Variants in NCOR2 observed in about 807,000 individuals in gnomAD.
NCOR2 encodes the protein CTG repeat protein 26.
NCOR2 carries 81 observed loss-of-function variants against 262.9 expected under a neutral mutation model. That is an observed-to-expected ratio of 0.31 (90% CI 0.26 to 0.37). NCOR2 has a LOEUF of 0.37. Ranked by LOEUF, NCOR2 falls within the 10% of genes least tolerant of loss-of-function variation. The probability of loss-of-function intolerance (pLI) is 1.00; values close to 1 mark genes in which losing one functional copy is unlikely to be tolerated. For synonymous variants in NCOR2, 1,659 were observed against 1,559.3 expected (o/e 1.06, Z -1.51); for missense variants, 3,385 against 3,621.4 (o/e 0.93, Z 1.68).
intron 28 of NCOR2, among the ~76,000 whole-genome samples, chr12:124,349,767 G>A (rs1213376562): frequency 2.0e-5 from 3 of 152,160 alleles, no homozygotes; most frequent in Non-Finnish European, 4.4e-5. Context: ...GACCTCTCAA[G>A]ACAAGCTCTT....
chr12:124,325,535 C>T (rs1342977330), exon 47 of NCOR2: 2 of 1,339,118 alleles, frequency 1.5e-6, no homozygotes, highest in Non-Finnish European at 1.9e-6. Context: ...AGCCATGACA[C>T]CCGCCTGCAG....
chr12:124,356,890 T>C (rs879385350), intron 22 of NCOR2, 108 bp from the exon 25 acceptor site: 41 of 1,329,714 alleles, frequency 3.1e-5, no homozygotes, highest in Non-Finnish European at 3.8e-5. Flanking sequence ...ACAGTAGTGG[T>C]GGCCTGTGAC....
At chr12:124,336,990 G>T in exon 38 of NCOR2, 1 of 1,510,710 alleles carries the variant, frequency 6.6e-7, no homozygotes, top group Non-Finnish European at 8.8e-7. Flanking sequence ...CGGGCTGGGG[G>T]CTTGGCGAGG....
At chr12:124,501,931 G>A (rs1305954180) in intron 1 of NCOR2, among the ~76,000 whole-genome samples, 1 of 152,234 alleles carries the variant, frequency 6.6e-6, no homozygotes, top group African/African-American at 2.4e-5. Flanking sequence ...GCCGGCCCGG[G>A]GGGAACTCTG....
chr12:124,354,075 G>T lies in NCOR2; in HGVS notation c.3693+18C>A. On this transcript the variant is annotated intron_variant, in intron 27 of 46. Transcript: ENST00000405201. ...GCTGGTCCCAACCGTCCTTCCTGCC[G>T]CACCCCAGGACACCTACGTGGGTGA... 3.1e-6 allele frequency: 5 copies of T among 1,600,970 alleles called. No homozygotes were observed. The highest frequency in any genetic ancestry group is 1.1e-5 in the South Asian group (1 of 89,814).
chr12:124,417,380 C>G (rs1176739112), intron 13 of NCOR2, among the ~76,000 whole-genome samples: 4 of 152,194 alleles, frequency 2.6e-5, no homozygotes, highest in Admixed American at 6.5e-5. Context: ...CGACACCCCC[C>G]ACCCTTCTTA....
At chr12:124,359,033 C>T (rs566723952) in intron 22 of NCOR2, among the ~76,000 whole-genome samples, 24 of 152,330 alleles carry the variant, frequency 1.6e-4, no homozygotes, top group Non-Finnish European at 2.2e-4. Context: ...ACATGGCCTG[C>T]GGCAGAGAAG....
chr12:124,525,183 GA>G (rs981858281), intron 1 of NCOR2, among the ~76,000 whole-genome samples: 2 of 152,168 alleles, frequency 1.3e-5, no homozygotes, highest in African/African-American at 4.8e-5. Context: ...CTGAGGCACA[GA>G]ACCCCAATCA....
exon 36 of NCOR2, chr12:124,340,322 C>G: frequency 6.2e-7 from 1 of 1,612,382 alleles, no homozygotes; most frequent in Non-Finnish European, 8.5e-7. Context: ...CGTGCTCCAC[C>G]GTCGTGGTGG....
At chr12:124,530,346 G>A (rs914306828) in intron 1 of NCOR2, 1 of 151,958 alleles carries the variant, frequency 6.6e-6, no homozygotes, top group Non-Finnish European at 1.5e-5. Flanking sequence ...GGGATTTGGG[G>A]GGAACAGAAA....
At chr12:124,400,572 C>A (rs1213531274) in exon 15 of NCOR2, 1 of 1,614,202 alleles carries the variant, frequency 6.2e-7, no homozygotes, top group Admixed American at 1.7e-5. Flanking sequence ...GCGGGTGATG[C>A]GGCCTTTGCG....
chr12:124,463,822 C>A (rs978328416), intron 5 of NCOR2, among the ~76,000 whole-genome samples: 4 of 152,192 alleles, frequency 2.6e-5, no homozygotes, highest in Non-Finnish European at 5.9e-5. Context: ...GGCGGAGGAT[C>A]CCCACCAGCC....
intron 22 of NCOR2, among the ~76,000 whole-genome samples, chr12:124,361,640 C>T (rs1295793661): frequency 1.3e-5 from 2 of 152,242 alleles, no homozygotes; most frequent in Admixed American, 1.3e-4. Context: ...GAGGGCAGCC[C>T]TTCCTGCCCA....
At chr12:124,461,721 A>G (rs1452671701) in intron 5 of NCOR2, among the ~76,000 whole-genome samples, 3 of 152,242 alleles carry the variant, frequency 2.0e-5, no homozygotes, top group African/African-American at 7.2e-5. Context: ...ACACACATGC[A>G]CACAGCCTAA....
chr12:124,396,695 C>T (rs1264536774), intron 16 of NCOR2, among the ~76,000 whole-genome samples: 1 of 152,050 alleles, frequency 6.6e-6, no homozygotes, highest in African/African-American at 2.4e-5. Flanking sequence ...GCAGACTGCC[C>T]CCGGAGGAGC....
intron 40 of NCOR2, 182 bp downstream of exon 42, chr12:124,334,953 T>C: frequency 2.3e-6 from 2 of 851,256 alleles, no homozygotes; most frequent in Non-Finnish European, 3.6e-6. Flanking sequence ...GCGGTGATGG[T>C]GCCGGTGCTC....
chr12:124,462,490 T>G (rs2046216637), intron 5 of NCOR2, among the ~76,000 whole-genome samples: 1 of 151,906 alleles, frequency 6.6e-6, no homozygotes, highest in Non-Finnish European at 1.5e-5. Context: ...TCTCCCAGGG[T>G]GGGTGACGAG....
chr12:124,504,658 A>G lies in NCOR2; in HGVS notation c.-117-9290T>C, dbSNP rs775001187. Among the ~76,000 whole-genome samples, 3 of 152,256 alleles carry G rather than the reference A, an allele frequency of 2.0e-5. No homozygotes were observed. Among genetic ancestry groups the G allele is most frequent in the Non-Finnish European group, 2.9e-5 (2 of 68,048 alleles). ...CAAATGTCCATCTACTGACAAACAG[A>G]TGAAACAAACGCAGTCTGTCCATCA... On this transcript the variant is annotated intron_variant, in intron 1 of 46. Coordinates refer to the NCOR2 transcript ENST00000404621. This position sits in a 1 kb window ranked among gnomAD's most constrained non-coding sequence, Gnocchi z 4.5.
At chr12:124,336,972 G>T in exon 38 of NCOR2, 1 of 1,521,004 alleles carries the variant, frequency 6.6e-7, no homozygotes, top group Non-Finnish European at 8.8e-7. Flanking sequence ...GCGGGCTCCA[G>T]CCCGGAGCGG....
Sources: allele counts gnomAD v4.1 joint callset (sites outside exome capture counted in the v4.1 genomes callset), GRCh38; gene constraint gnomAD v4.1.1; non-coding constraint Gnocchi (gnomAD v3.1); transcripts MANE v1.5; gene names NCBI Gene and HGNC (gene_info 2026-07-23, HGNC 2026-07-21).